TYW1B: variants seen among roughly 807,000 people sequenced by gnomAD.
TYW1B encodes S-adenosyl-L-methionine-dependent tRNA 4-demethylwyosine synthase TYW1B.
TYW1B carries 73 observed loss-of-function variants against 86.9 expected under a neutral mutation model. That is an observed-to-expected ratio of 0.84 (90% confidence interval 0.70 to 1.02). The LOEUF (loss-of-function observed/expected upper bound fraction) is 1.02. Among genes scored for constraint, TYW1B ranks in the 50% least tolerant of loss-of-function variants. The pLI is 0.00. For synonymous variants in TYW1B, 248 were observed against 292.8 expected (o/e 0.85, Z 1.56); for missense variants, 637 against 827.4 (o/e 0.77, Z 2.82).
At chr7:72,747,560 C>T (rs1324743094) in intron 7 of TYW1B, among the ~76,000 whole-genome samples, 2 of 152,176 alleles carry the variant, frequency 1.3e-5, no homozygotes, top group Non-Finnish European at 1.5e-5. Context: ...ACCAGTAGTA[C>T]CACACTGTCT....
intron 13 of TYW1B, among the ~76,000 whole-genome samples, chr7:72,614,415 T>C (rs1349489673): frequency 1.3e-5 from 2 of 152,104 alleles, no homozygotes; most frequent in Admixed American, 1.3e-4. Context: ...GGCGTATCAC[T>C]TGGGGTCAGG....
At chr7:72,802,039 CG>C (rs1336816589) in intron 6 of TYW1B, among the ~76,000 whole-genome samples, 2 of 75,970 alleles carry the variant, frequency 2.6e-5, no homozygotes, top group Admixed American at 1.5e-4. Context: ...ATGTATTTTG[CG>C]ATTTTTTTTT....
intron 7 of TYW1B, among the ~76,000 whole-genome samples, chr7:72,774,604 T>G (rs1787922940): frequency 6.6e-6 from 1 of 151,890 alleles, no homozygotes; most frequent in Non-Finnish European, 1.5e-5. Flanking sequence ...AGCCAGTTAC[T>G]CAGGAGGCTG....
intron 2 of TYW1B, among the ~76,000 whole-genome samples, chr7:72,823,360 G>A (rs797039415): frequency 1.3e-5 from 2 of 151,778 alleles, no homozygotes; most frequent in Admixed American, 6.6e-5. Flanking sequence ...GGTGGCTCAC[G>A]CCTGTAATCC....
At chr7:72,577,918 T>C (rs1811063139) in intron 13 of TYW1B, among the ~76,000 whole-genome samples, 1 of 152,006 alleles carries the variant, frequency 6.6e-6, no homozygotes, top group Non-Finnish European at 1.5e-5. Flanking sequence ...AGTGAGAGAG[T>C]TCCCATGTTA....
At chr7:72,669,593 C>A (rs1359626650) in intron 11 of TYW1B, among the ~76,000 whole-genome samples, 10 of 151,890 alleles carry the variant, frequency 6.6e-5, no homozygotes, top group Admixed American at 1.3e-4. Flanking sequence ...TGGCGAAACC[C>A]TGCCTCTTAA....
chr7:72,608,745 G>A (rs1811859480), intron 13 of TYW1B, among the ~76,000 whole-genome samples: 1 of 152,214 alleles, frequency 6.6e-6, no homozygotes, highest in Admixed American at 6.5e-5. Context: ...ATTATTGTCA[G>A]ATAGAGTAAA....
intron 8 of TYW1B, among the ~76,000 whole-genome samples, chr7:72,742,017 T>C (rs1328611248): frequency 2.6e-5 from 4 of 152,176 alleles, no homozygotes; most frequent in Admixed American, 6.5e-5. Context: ...GAAAGGACAC[T>C]AAACAGACCC....
intron 10 of TYW1B, among the ~76,000 whole-genome samples, chr7:72,711,466 T>C (rs1407747709): frequency 1.5e-5 from 2 of 133,124 alleles, no homozygotes; most frequent in African/African-American, 5.5e-5. Flanking sequence ...TTCTCTCCTC[T>C]TTAATTCTTT....
At chr7:72,774,062 CAAAAAAAAAAA>C (rs35480783) in intron 7 of TYW1B, among the ~76,000 whole-genome samples, 1 of 54,826 alleles carries the variant, frequency 1.8e-5, no homozygotes, top group Non-Finnish European at 4.3e-5. Flanking sequence ...AACTCCATCT[CAAAAAAAAAAA>C]AAAAAAAAGA....
intron 11 of TYW1B, among the ~76,000 whole-genome samples, chr7:72,663,680 C>T (rs1813389398): frequency 7.2e-6 from 1 of 139,608 alleles, no homozygotes. Flanking sequence ...AGGAGAATGG[C>T]GTGAACCCGG....
chr7:72,613,401 C>CTTTTTTTTT (rs71517349), intron 13 of TYW1B, among the ~76,000 whole-genome samples: 11 of 80,978 alleles, frequency 1.4e-4, no homozygotes, highest in East Asian at 8.6e-4. Flanking sequence ...TTTATATCTT[C>CTTTTTTTTT]TTTTTTTTTT....
intron 11 of TYW1B, among the ~76,000 whole-genome samples, chr7:72,685,165 T>C (rs550616903): frequency 5.7e-4 from 86 of 151,414 alleles, no homozygotes; most frequent in South Asian, 1.0e-3. Context: ...GTACTTGTCC[T>C]ACTCAGGAAG....
At chr7:72,792,687 T>C (rs1788241286) in intron 6 of TYW1B, among the ~76,000 whole-genome samples, 1 of 152,232 alleles carries the variant, frequency 6.6e-6, no homozygotes, top group Non-Finnish European at 1.5e-5. Context: ...GAGTATCCAT[T>C]ACCAAAATGA....
Position 72,771,183 on chromosome 7 carries a change from G to C in TYW1B, c.964+6233C>G, listed in dbSNP as rs151062966. On this transcript the variant is annotated intron_variant, in intron 7 of 13. Transcript: ENST00000620995. ...TCACCATTTTGGCCAGGCTGGTCTCGAACTCCCGACCTCAAATGATCCGCC... is the reference window on the plus strand; with the variant it reads ...TCACCATTTTGGCCAGGCTGGTCTCCAACTCCCGACCTCAAATGATCCGCC... Among the ~76,000 whole-genome samples, 179 of 152,048 alleles carry C rather than the reference G, an allele frequency of 1.2e-3. 3 individuals are homozygous for C. In the East Asian group the frequency reaches 0.033, roughly 28 times the overall value.
At chr7:72,767,707 A>G (rs1787795791) in intron 7 of TYW1B, among the ~76,000 whole-genome samples, 1 of 152,152 alleles carries the variant, frequency 6.6e-6, no homozygotes, top group South Asian at 2.1e-4. Flanking sequence ...GTCTTCCTGT[A>G]CCTCCCCAAA....
At chr7:72,627,748 C>A (rs1465081618) in intron 12 of TYW1B, among the ~76,000 whole-genome samples, 1 of 152,076 alleles carries the variant, frequency 6.6e-6, no homozygotes, top group African/African-American at 2.4e-5. Flanking sequence ...CAAACCCACA[C>A]ACACATGCAC....
At chr7:72,727,853 T>C (rs1198949080) in intron 9 of TYW1B, among the ~76,000 whole-genome samples, 2 of 143,538 alleles carry the variant, frequency 1.4e-5, no homozygotes, top group Non-Finnish European at 3.0e-5. Flanking sequence ...CAAAAAAGCA[T>C]ACTCTTGCGC....
At chr7:72,735,856 C>T (rs1397771000) in intron 8 of TYW1B, among the ~76,000 whole-genome samples, 11 of 53,628 alleles carry the variant, frequency 2.1e-4, no homozygotes, top group Non-Finnish European at 3.9e-4. Context: ...GGCAAAAGAG[C>T]GAGACTGTCT....
Sources: gnomAD v4.1 joint callset for allele counts (sites outside exome capture counted in the v4.1 genomes callset) on GRCh38, gnomAD v4.1.1 for gene constraint, MANE v1.5 for transcripts, NCBI Gene and HGNC (gene_info 2026-07-23, HGNC 2026-07-21) for gene names.